ATP6V0D1: variants seen among roughly 807,000 people sequenced by gnomAD.
The protein encoded by ATP6V0D1 is V-type proton ATPase subunit d 1.
A neutral mutation model predicts 39.0 loss-of-function variants in ATP6V0D1; 13 were observed. The observed-to-expected ratio is 0.33, with a 90% CI of 0.22 to 0.53. The LOEUF is 0.53. Ranked by LOEUF, ATP6V0D1 falls within the 20% of genes least tolerant of loss-of-function variation. ATP6V0D1 has a pLI of 0.94. For synonymous variants in ATP6V0D1, 191 were observed against 191.2 expected, an observed-to-expected ratio of 1.00 and a Z score of 0.01; for missense variants, 272 against 470.9, an observed-to-expected ratio of 0.58 and a Z score of 3.91.
intron 1 of ATP6V0D1, among the ~76,000 whole-genome samples, chr16:67,466,800 AAAAAG>A (rs944665173): frequency 1.8e-4 from 27 of 152,302 alleles, no homozygotes; most frequent in African/African-American, 5.8e-4. Context: ...CTGTCTCAAA[AAAAAG>A]AAAAGAAAAG....
chr16:67,469,898 C>T (rs1338556780), intron 1 of ATP6V0D1, among the ~76,000 whole-genome samples: 5 of 152,230 alleles, frequency 3.3e-5, no homozygotes, highest in Non-Finnish European at 7.3e-5. Context: ...CTCATGACAA[C>T]TTGGCGCCTA....
At position 67,438,494 on chromosome 16, in the gene ATP6V0D1, C is replaced by T. The variant is rs778570597; in HGVS notation, c.*34G>A. On this transcript the variant is annotated 3_prime_UTR_variant, in exon 8 of 8. Transcript: ENST00000290949. The stretch of plus-strand genomic sequence containing the variant: ...ACGCGCACACACACACACACACACA[C>T]AAAGAGTGCAATTGAGAGCCTTGGG... 5.6e-6 allele frequency: 9 copies of T among 1,609,000 alleles called. No homozygotes were observed. The South Asian group carries it at 9.9e-5, about 18-fold the overall frequency.
Position 67,453,832 on chromosome 16 carries a change from T to C in ATP6V0D1, c.131-117A>G. On this transcript the variant is annotated intron_variant, in intron 1 of 7. Coordinates refer to ENST00000290949, the MANE Select transcript of ATP6V0D1 (RefSeq NM_004691.5). The surrounding 1 kb of genome is among the most constrained non-coding windows in gnomAD (Gnocchi z 4.1). ...CTCCCCTGCAGTTGTGTCCCGCTAC[T>C]ACCCTGATCTCCATCTCCCTGTTGG... 1.1e-6 allele frequency: 1 copy of C among 937,392 alleles called. No individual in the cohort carries two copies. Among genetic ancestry groups the C allele is most frequent in the Non-Finnish European group, 1.6e-6 (1 of 622,400 alleles). The allele number at this position is 937,392 out of a possible 1,614,324, so 58.1% of individuals were successfully genotyped here.
intron 1 of ATP6V0D1, among the ~76,000 whole-genome samples, chr16:67,475,948 G>C (rs982215817): frequency 2.0e-5 from 3 of 152,192 alleles, no homozygotes; most frequent in African/African-American, 7.2e-5. Context: ...GGGCATCCCA[G>C]GCCAGATGGA....
At chr16:67,457,624 C>T in intron 1 of ATP6V0D1, 3 of 1,289,488 alleles carry the variant, frequency 2.3e-6, no homozygotes, top group Non-Finnish European at 3.0e-6. Context: ...ACAAGTCCCT[C>T]TGGCATCCCT....
chr16:67,439,312 C>G lies in ATP6V0D1; in HGVS notation c.601G>C (p.Gly201Arg). ...ESFYKFCTLL[G>R]GTTADAMCPI... ...CACATGGCATCAGCCGTAGTCCCGC[C>G]CAGTAGGGTGCAGAACTTGTAGAAG... The change falls in exon 5 of 8, where the codon GGC becomes CGC. Residue 201 changes from glycine (G) to arginine (R), a missense_variant. By Grantham distance (125) the Gly-to-Arg change is moderately radical (BLOSUM62 -2). Around this residue, in one of 4 missense-constraint regions of ATP6V0D1, gnomAD observed 135 missense variants for 273.8 expected, o/e 0.49. Transcript: ENST00000290949. The G allele has an allele frequency of 6.2e-7, 1 of 1,614,122 alleles. No individual in the cohort carries two copies. Among genetic ancestry groups the G allele is most frequent in the Non-Finnish European group, 8.5e-7 (1 of 1,180,034 alleles).
chr16:67,452,942 C>T (rs1014678705), intron 2 of ATP6V0D1, among the ~76,000 whole-genome samples: 14 of 152,204 alleles, frequency 9.2e-5, no homozygotes, highest in African/African-American at 2.9e-4. Flanking sequence ...GGAGCCTGCC[C>T]ACCTGAGTTC....
chr16:67,480,747 T>C (rs2041464426), intron 1 of ATP6V0D1, among the ~76,000 whole-genome samples: 2 of 151,950 alleles, frequency 1.3e-5, no homozygotes, highest in South Asian at 2.1e-4. Context: ...GGCGAACAAC[T>C]GCGGTTCTTA....
intron 1 of ATP6V0D1, among the ~76,000 whole-genome samples, chr16:67,460,023 G>A (rs2041276922): frequency 6.6e-6 from 1 of 152,254 alleles, no homozygotes; most frequent in South Asian, 2.1e-4. Context: ...AGGTCACTCA[G>A]TGAGGCTCTC....
At chr16:67,463,680 C>T (rs762308818) in intron 1 of ATP6V0D1, among the ~76,000 whole-genome samples, 1 of 152,202 alleles carries the variant, frequency 6.6e-6, no homozygotes, top group African/African-American at 2.4e-5. Context: ...GCTGGCAGAG[C>T]CAAGAGGCTT....
intron 1 of ATP6V0D1, among the ~76,000 whole-genome samples, chr16:67,466,348 C>T (rs112050751): frequency 2.2e-4 from 33 of 150,656 alleles, no homozygotes; most frequent in Admixed American, 4.0e-4. Context: ...CACACACACA[C>T]ACACACACAC....
rs1180431688 is a variant in ATP6V0D1 at position 67,447,030 on chromosome 16, C to T, written c.303-2324G>A. ...GCCCCCTGCCTGGCTCTACATACCC[C>T]ACCTAGTCTCATTTTCTCAGAGGGA... On this transcript the variant is annotated intron_variant, in intron 2 of 7. Coordinates refer to ENST00000290949, the MANE Select transcript of ATP6V0D1 (RefSeq NM_004691.5). The surrounding 1 kb of genome is among the most constrained non-coding windows in gnomAD (Gnocchi z 4.1). 1.3e-5 allele frequency among the ~76,000 whole-genome samples: 2 copies of T among 152,180 alleles called. No individual in the cohort carries two copies. The highest frequency in any genetic ancestry group is 2.9e-5 in the Non-Finnish European group (2 of 68,038).
chr16:67,438,419 C>A lies in ATP6V0D1; in HGVS notation c.*109G>T. The A allele has an allele frequency of 7.4e-7, 1 of 1,346,318 alleles. No individual in the cohort carries two copies. Among genetic ancestry groups the A allele is most frequent in the South Asian group, 1.4e-5 (1 of 72,054 alleles). 83.4% of individuals were successfully genotyped at this position (1,346,318 alleles called of 1,614,324 possible). On this transcript the variant is annotated 3_prime_UTR_variant, in exon 8 of 8. Coordinates refer to ENST00000290949, the MANE Select transcript of ATP6V0D1 (RefSeq NM_004691.5). ...GACAGCGTACTACACCCCGGACAGGCAGGTGAGCCACAGGCTTGTCACAGA... is the reference window on the plus strand; with the variant it reads ...GACAGCGTACTACACCCCGGACAGGAAGGTGAGCCACAGGCTTGTCACAGA...
intron 2 of ATP6V0D1, chr16:67,452,123 G>T: frequency 1.4e-6 from 2 of 1,385,360 alleles, no homozygotes; most frequent in South Asian, 1.4e-5. Context: ...GGAACACAGA[G>T]ACCAAGGCCA....
chr16:67,458,280 A>T (rs1330758547), intron 1 of ATP6V0D1, among the ~76,000 whole-genome samples: 1 of 151,920 alleles, frequency 6.6e-6, no homozygotes, highest in Non-Finnish European at 1.5e-5. Flanking sequence ...GGAGGAGGGG[A>T]TGTGACTGGG....
chr16:67,449,893 A>T (rs111246722), intron 2 of ATP6V0D1, among the ~76,000 whole-genome samples: 9 of 152,342 alleles, frequency 5.9e-5, no homozygotes, highest in African/African-American at 2.2e-4. Flanking sequence ...TCTCACACAG[A>T]AGGGCAGAGG....
Position 67,480,935 on chromosome 16 carries a change from G to T in ATP6V0D1, c.130+22C>A, listed in dbSNP as rs200221442. On this transcript the variant is annotated intron_variant, in intron 1 of 7. Transcript: ENST00000290949. ...CAGGCCCCGGACAGCCTCTATCCCCGCCTTTCGCGGCCCCGGCTCACCCTC... is the reference window on the plus strand; with the variant it reads ...CAGGCCCCGGACAGCCTCTATCCCCTCCTTTCGCGGCCCCGGCTCACCCTC... The T allele has an allele frequency of 6.2e-6, 10 of 1,613,064 alleles. No homozygotes were observed. In the Admixed American group the frequency reaches 1.7e-4, roughly 27 times the overall value.
At position 67,464,280 on chromosome 16, in the gene ATP6V0D1, G is replaced by C. The variant is rs117471861; in HGVS notation, c.131-10565C>G. On this transcript the variant is annotated intron_variant, in intron 1 of 7. Coordinates refer to ENST00000290949, the MANE Select transcript of ATP6V0D1 (RefSeq NM_004691.5). ...TTGGGGGCCAGTTCACAGAGATATAGTCCAGGCATCCTTGAGTGAACAAAT... is the reference window on the plus strand; with the variant it reads ...TTGGGGGCCAGTTCACAGAGATATACTCCAGGCATCCTTGAGTGAACAAAT... Among the ~76,000 whole-genome samples, 87 of 152,340 alleles carry C rather than the reference G, an allele frequency of 5.7e-4. 2 individuals are homozygous for C. The East Asian group carries it at 0.015, about 27-fold the overall frequency.
chr16:67,438,820 C>A lies in ATP6V0D1; in HGVS notation c.867G>T (p.Thr289=). ...EGAGSNPGDK[T]LEDRFFEHEV... is the part of the protein sequence containing the mutation. ...CGTGCTCAAAGAATCGGTCCTCCAG[C>A]GTCTTGTCTCCAGGGTTGCTACCTG... Residue 289 remains threonine, a synonymous_variant, in exon 7 of 8, where the codon ACG becomes ACT. Transcript: ENST00000290949. 1 of 1,613,582 alleles carries A rather than the reference C, an allele frequency of 6.2e-7. No homozygotes were observed. The highest frequency in any genetic ancestry group is 2.2e-5 in the East Asian group (1 of 44,828).
Sources: gnomAD v4.1 joint callset for allele counts (sites outside exome capture counted in the v4.1 genomes callset) on GRCh38, gnomAD v4.1.1 for gene constraint, gnomAD v4.1.1 regional missense constraint, Gnocchi (gnomAD v3.1) non-coding constraint, MANE v1.5 for transcripts, NCBI Gene and HGNC (gene_info 2026-07-23, HGNC 2026-07-21) for gene names.